PLXNA2: variants seen among roughly 807,000 people sequenced by gnomAD.
The protein encoded by PLXNA2 is plexin-A2.
A neutral mutation model predicts 193.5 loss-of-function variants in PLXNA2; 91 were observed. That is an observed-to-expected ratio of 0.47 (90% confidence interval 0.40 to 0.56). The LOEUF is 0.56. Among genes scored for constraint, PLXNA2 ranks in the 20% least tolerant of loss-of-function variants. PLXNA2 has a pLI of 0.00. For missense variants in PLXNA2, 1,995 were observed against 2,503.2 expected (o/e 0.80, Z 4.33); for synonymous variants, 997 against 1,027.3 (o/e 0.97, Z 0.56).
intron 3 of PLXNA2, among the ~76,000 whole-genome samples, chr1:208,162,798 C>T (rs1669173612): frequency 6.6e-6 from 1 of 152,134 alleles, no homozygotes; most frequent in African/African-American, 2.4e-5. Flanking sequence ...CAAAGTCATA[C>T]TCCTAGTAAG....
intron 12 of PLXNA2, among the ~76,000 whole-genome samples, chr1:208,066,483 T>C (rs1456508141): frequency 6.6e-6 from 1 of 152,220 alleles, no homozygotes; most frequent in Admixed American, 6.5e-5. Context: ...AAGATCATAA[T>C]GGAGCTGAAA....
At chr1:208,049,588 A>G (rs1304706604) in intron 17 of PLXNA2, among the ~76,000 whole-genome samples, 1 of 152,226 alleles carries the variant, frequency 6.6e-6, no homozygotes, top group African/African-American at 2.4e-5. Context: ...CAAGCCCACC[A>G]GCATTTCATG....
intron 3 of PLXNA2, among the ~76,000 whole-genome samples, chr1:208,154,038 G>A (rs1571974949): frequency 6.7e-6 from 1 of 148,376 alleles, no homozygotes; most frequent in Non-Finnish European, 1.5e-5. Context: ...TGGGGGTGGG[G>A]TGGTGAGTAA....
rs1558250023 is a variant in PLXNA2 at position 208,217,066 on chromosome 1, T to C, written c.857A>G (p.Asp286Gly). 1 of 1,613,768 alleles carries C rather than the reference T, an allele frequency of 6.2e-7. No homozygotes were observed. Among genetic ancestry groups the C allele is most frequent in the Non-Finnish European group, 8.5e-7 (1 of 1,179,712 alleles). Residue 286 changes from aspartate (D) to glycine (G), a missense_variant, in exon 2 of 32, where the codon GAT (aspartate) becomes GGT (glycine). This residue lies in a region of PLXNA2 where 702 missense variants were observed against 812.9 expected (regional missense o/e 0.86). Coordinates refer to ENST00000367033, the MANE Select transcript of PLXNA2 (RefSeq NM_025179.4). The surrounding 1 kb of genome is among the most constrained non-coding windows in gnomAD (Gnocchi z 4.7). ...YTSRIVRLCKDDPKFHSYVSL... is the reference protein window; with the variant it reads ...YTSRIVRLCKGDPKFHSYVSL... ...CACGTATGAGTGGAACTTGGGGTCA[T>C]CCTTGCAGAGCCGCACGATGCGTGA...
chr1:208,216,740 T>C lies in PLXNA2; in HGVS notation c.1183A>G (p.Lys395Glu). The C allele has an allele frequency of 6.2e-7, 1 of 1,612,144 alleles. No homozygotes were observed. Among genetic ancestry groups the C allele is most frequent in the Non-Finnish European group, 8.5e-7 (1 of 1,179,554 alleles). ...CGAGGTGTGTGCCTCCTTACCGCCT[T>C]GGTGCACTGGACGTCCTTCCCCAGC... ...WLLGKDVQCT[K>E]APVPIDDNFC... The change falls in exon 2 of 32, where the codon AAG (lysine) becomes GAG (glutamate). Residue 395 changes from lysine (K) to glutamate (E), a missense_variant. Coordinates refer to ENST00000367033, the MANE Select transcript of PLXNA2 (RefSeq NM_025179.4).
chr1:208,031,799 A>G (rs918486429), intron 28 of PLXNA2, 40 bp from the exon 29 acceptor site: 2 of 1,491,868 alleles, frequency 1.3e-6, no homozygotes, highest in African/African-American at 2.8e-5. Context: ...GAGGGGGGTG[A>G]CGGCAGGTAG....
At chr1:208,144,390 G>A (rs1668545387) in intron 3 of PLXNA2, among the ~76,000 whole-genome samples, 1 of 152,190 alleles carries the variant, frequency 6.6e-6, no homozygotes, top group Non-Finnish European at 1.5e-5. Flanking sequence ...CATCCTTGAG[G>A]AGCTTGAACC....
chr1:208,193,004 A>C (rs981484295), intron 3 of PLXNA2, among the ~76,000 whole-genome samples: 1 of 152,148 alleles, frequency 6.6e-6, no homozygotes, highest in Non-Finnish European at 1.5e-5. Flanking sequence ...ACAAAAAACT[A>C]AATCTACAAA....
At chr1:208,123,366 C>G (rs924964626) in intron 4 of PLXNA2, among the ~76,000 whole-genome samples, 1 of 152,184 alleles carries the variant, frequency 6.6e-6, no homozygotes, top group Non-Finnish European at 1.5e-5. Flanking sequence ...TCCCACTGAT[C>G]CAGTTTAGTC....
intron 29 of PLXNA2, chr1:208,029,565 C>T (rs538560191): frequency 2.7e-5 from 27 of 990,280 alleles, no homozygotes; most frequent in East Asian, 2.2e-4. Flanking sequence ...CTGGCTGGGC[C>T]GAGGAATGGG....
intron 3 of PLXNA2, among the ~76,000 whole-genome samples, chr1:208,202,803 C>T (rs1466962394): frequency 6.6e-6 from 1 of 152,212 alleles, no homozygotes; most frequent in Non-Finnish European, 1.5e-5. Flanking sequence ...GTTTCACCTG[C>T]TTGGCAATAA....
rs1480482151 is a variant in PLXNA2, at chr1:208,046,830, GTGTGTGTGTGTGTA to G, written c.3256-727_3256-714del. ...TGTGTGTGTGTGTGTGTGTGTGTGT[GTGTGTGTGTGTGTA>G]GAGTGTGGAGCAGGAAGTGGTACGA... On this transcript the variant is annotated intron_variant, in intron 17 of 31. Coordinates refer to ENST00000367033, the MANE Select transcript of PLXNA2 (RefSeq NM_025179.4). 5.0e-4 allele frequency among the ~76,000 whole-genome samples: 69 copies of G among 137,342 alleles called. No individual in the cohort carries two copies. The South Asian group carries it at 0.012, about 24-fold the overall frequency. The allele number at this position is 137,342 out of a possible 152,430, so 90.1% of individuals were successfully genotyped here.
At chr1:208,128,932 T>C (rs1293141650) in intron 4 of PLXNA2, among the ~76,000 whole-genome samples, 1 of 152,106 alleles carries the variant, frequency 6.6e-6, no homozygotes, top group Admixed American at 6.5e-5. Flanking sequence ...CCTGACCTCG[T>C]GATCCACCCG....
Position 208,025,258 on chromosome 1 carries a change from A to G in PLXNA2, c.*1985T>C, listed in dbSNP as rs1664308352. The G allele has an allele frequency of 6.6e-6, 1 of 152,552 alleles. No individual in the cohort carries two copies. The highest frequency in any genetic ancestry group is 1.5e-5 in the Non-Finnish European group (1 of 68,072). The allele number at this position is 152,552 out of a possible 1,614,324, so 9.4% of individuals were successfully genotyped here. ...AGACAGCGATCCAAAGCTACACGCC[A>G]AGGATGGAAGCCAGACCTCTGCGCT... On this transcript the variant is annotated 3_prime_UTR_variant, in exon 32 of 32. Transcript: ENST00000367033.
intron 3 of PLXNA2, among the ~76,000 whole-genome samples, chr1:208,164,404 G>A (rs748369419): frequency 1.1e-4 from 16 of 152,230 alleles, no homozygotes; most frequent in South Asian, 2.1e-4. Flanking sequence ...AATGCAAAAG[G>A]TAAGAGCAGA....
chr1:208,219,022 G>T lies in PLXNA2; in HGVS notation c.-80-1020C>A, dbSNP rs115871120. On this transcript the variant is annotated intron_variant, in intron 1 of 31. Coordinates refer to ENST00000367033, the MANE Select transcript of PLXNA2 (RefSeq NM_025179.4). ...GAGGTGAGATTCAGTCTCATTTCAG[G>T]CACTGCTGGGGCCTCCTGACTGTTT... Among the ~76,000 whole-genome samples the T allele has an allele frequency of 7.2e-3, 1,104 of 152,286 alleles. 20 individuals carry two copies. The highest frequency in any genetic ancestry group is 0.024 in the African/African-American group (1,013 of 41,564).
At chr1:208,070,893 G>C (rs1313674107) in intron 12 of PLXNA2, among the ~76,000 whole-genome samples, 1 of 152,152 alleles carries the variant, frequency 6.6e-6, no homozygotes, top group African/African-American at 2.4e-5. Flanking sequence ...AAATCCAGAG[G>C]GAAGCTGGGT....
chr1:208,208,067 C>T (rs1042001928), intron 3 of PLXNA2, among the ~76,000 whole-genome samples: 1 of 152,228 alleles, frequency 6.6e-6, no homozygotes, highest in Non-Finnish European at 1.5e-5. Context: ...TGGATAGATG[C>T]CAAGCAGCCC....
At chr1:208,063,842 C>T (rs17011832) in intron 12 of PLXNA2, among the ~76,000 whole-genome samples, 2,306 of 152,282 alleles carry the variant, frequency 0.015, 56 homozygotes, top group African/African-American at 0.051. Flanking sequence ...GGATTCCCAA[C>T]GCCTCCATTA....
Sources: allele counts gnomAD v4.1 joint callset (sites outside exome capture counted in the v4.1 genomes callset), GRCh38; gene constraint gnomAD v4.1.1; regional missense constraint gnomAD v4.1.1; non-coding constraint Gnocchi (gnomAD v3.1); transcripts MANE v1.5; gene names NCBI Gene and HGNC (gene_info 2026-07-23, HGNC 2026-07-21).